Variants in ZNF81 observed in about 807,000 individuals in gnomAD.
ZNF81 encodes zinc finger protein 81 (HFZ20).
Under a neutral mutation model 32.3 loss-of-function variants are expected in ZNF81, and 5 were observed. The observed-to-expected ratio is 0.15, with a 90% CI of 0.08 to 0.33. ZNF81 has a LOEUF of 0.33. Among genes scored for constraint, ZNF81 ranks in the 10% least tolerant of loss-of-function variants. The pLI, the probability that ZNF81 is intolerant of heterozygous loss-of-function variation, is 1.00. For synonymous variants in ZNF81, 163 were observed against 166.8 expected, an observed-to-expected ratio of 0.98 and a Z score of 0.17; for missense variants, 379 against 479.8, an observed-to-expected ratio of 0.79 and a Z score of 1.96.
chrX:47,872,005 C>T (rs187061912), intron 2 of ZNF81, among the ~76,000 whole-genome samples: 83 of 112,231 alleles, frequency 7.4e-4, no homozygotes, highest in African/African-American at 2.6e-3. Context: ...GAGACCATAG[C>T]GAATCTTAGT....
intron 4 of ZNF81, 143 bp downstream of exon 4, chrX:47,896,083 G>A: frequency 2.2e-6 from 1 of 460,734 alleles, no homozygotes; most frequent in South Asian, 3.5e-5. Context: ...TTGGCCTCTC[G>A]GGTGCCAAAT....
intron 2 of ZNF81, among the ~76,000 whole-genome samples, chrX:47,873,448 G>A (rs887419000): frequency 1.1e-4 from 12 of 111,487 alleles, no homozygotes; most frequent in African/African-American, 3.6e-4. Context: ...TTGTTCCTTA[G>A]TGGAGGGTTT....
intron 2 of ZNF81, among the ~76,000 whole-genome samples, chrX:47,886,870 C>T (rs1292198780): frequency 8.1e-5 from 9 of 111,358 alleles, no homozygotes; most frequent in African/African-American, 2.6e-4. Flanking sequence ...TTGGGTTGCT[C>T]CTTAGTATCT....
chrX:47,882,185 C>CAT (rs1438504389), intron 2 of ZNF81, among the ~76,000 whole-genome samples: 4 of 110,106 alleles, frequency 3.6e-5, no homozygotes, highest in South Asian at 3.8e-4. Context: ...TATATATGTA[C>CAT]ATATATATAC....
intron 2 of ZNF81, among the ~76,000 whole-genome samples, chrX:47,883,149 T>TA (rs1306529339): frequency 8.9e-6 from 1 of 112,313 alleles, no homozygotes; most frequent in East Asian, 2.8e-4. Context: ...GCACTTCCCT[T>TA]ACAACTAATG....
intron 4 of ZNF81, among the ~76,000 whole-genome samples, chrX:47,909,561 G>A (rs782520399): frequency 1.8e-5 from 2 of 108,680 alleles, no homozygotes; most frequent in African/African-American, 6.7e-5. Flanking sequence ...TTGTTTTGAC[G>A]TATGTTCCTT....
At chrX:47,895,374 A>G in intron 3 of ZNF81, among the ~76,000 whole-genome samples, 1 of 111,525 alleles carries the variant, frequency 9.0e-6, no homozygotes, top group Non-Finnish European at 1.9e-5. Context: ...GAGGGAAGAC[A>G]ATAAGAAGAT....
intron 2 of ZNF81, among the ~76,000 whole-genome samples, chrX:47,869,497 A>G (rs2058572265): frequency 9.0e-6 from 1 of 111,724 alleles, no homozygotes. Flanking sequence ...AAATAAGCCT[A>G]TTAAGAACAG....
chrX:47,849,227 A>C (rs1021560755), intron 2 of ZNF81, among the ~76,000 whole-genome samples: 1 of 111,838 alleles, frequency 8.9e-6, no homozygotes, highest in African/African-American at 3.3e-5. Flanking sequence ...TGTAACATAC[A>C]TACAGAAAAG....
intron 2 of ZNF81, among the ~76,000 whole-genome samples, chrX:47,851,791 T>C (rs1435953956): frequency 2.7e-5 from 3 of 112,602 alleles, no homozygotes; most frequent in Non-Finnish European, 3.7e-5. Flanking sequence ...CCCTTACATT[T>C]TCTGTTTAAT....
intron 1 of ZNF81, among the ~76,000 whole-genome samples, chrX:47,840,503 CTTT>C (rs1225455438): frequency 9.8e-6 from 1 of 102,121 alleles, no homozygotes. Flanking sequence ...TTTTCTTTTT[CTTT>C]TTTTTTTTTT....
chrX:47,837,552 G>C (rs1011371891), intron 1 of ZNF81, among the ~76,000 whole-genome samples: 1 of 112,003 alleles, frequency 8.9e-6, no homozygotes, highest in South Asian at 3.7e-4. Flanking sequence ...TAAAGTATGA[G>C]ACTTAGGTCG....
chrX:47,880,083 C>G (rs1239220995), intron 2 of ZNF81, among the ~76,000 whole-genome samples: 1 of 112,157 alleles, frequency 8.9e-6, no homozygotes, highest in Non-Finnish European at 1.9e-5. Flanking sequence ...TGGTGTTGAA[C>G]ACACTTGCTA....
At chrX:47,905,272 G>A (rs1208558630) in intron 4 of ZNF81, among the ~76,000 whole-genome samples, 1 of 106,395 alleles carries the variant, frequency 9.4e-6, no homozygotes, top group Non-Finnish European at 1.9e-5. Flanking sequence ...TTAGCTGGAT[G>A]TGGTGGCGGG....
chrX:47,874,181 C>T (rs1226870759), intron 2 of ZNF81, among the ~76,000 whole-genome samples: 1 of 112,231 alleles, frequency 8.9e-6, no homozygotes, highest in Non-Finnish European at 1.9e-5. Flanking sequence ...GGAACACACT[C>T]ATCTTCTAGG....
At chrX:47,859,354 A>G (rs563211893) in intron 2 of ZNF81, among the ~76,000 whole-genome samples, 4 of 111,171 alleles carry the variant, frequency 3.6e-5, no homozygotes, top group Non-Finnish European at 5.7e-5. Context: ...AACAAATTAT[A>G]TACTGATTTT....
In ZNF81 at chrX:47,880,706, C is replaced by G. The variant is rs781803168; in HGVS notation, c.55-7293C>G. Among the ~76,000 whole-genome samples, 7 of 112,236 alleles carry G rather than the reference C, an allele frequency of 6.2e-5. No individual in the cohort carries two copies. The South Asian group carries it at 2.2e-3, about 35-fold the overall frequency. On this transcript the variant is annotated intron_variant, in intron 2 of 4. Transcript: ENST00000338637. Reference sequence around the variant, plus strand: ...TGGCAAACTGTTACTTAAAAGAATTCATGCTATTTCCATGATCAGACTCCA... The same window carrying G: ...TGGCAAACTGTTACTTAAAAGAATTGATGCTATTTCCATGATCAGACTCCA...
At chrX:47,901,695 A>G (rs1290272544) in intron 4 of ZNF81, among the ~76,000 whole-genome samples, 1 of 103,684 alleles carries the variant, frequency 9.6e-6, no homozygotes, top group African/African-American at 3.7e-5. Flanking sequence ...TCTTGATTTG[A>G]TTCGCTAATA....
In ZNF81 at chrX:47,915,337, T is replaced by G; in HGVS notation, c.691T>G (p.Ser231Ala). 1.7e-6 allele frequency: 2 copies of G among 1,211,693 alleles called. No individual in the cohort carries two copies. The highest frequency in any genetic ancestry group is 2.2e-6 in the Non-Finnish European group (2 of 895,459). The change falls in exon 5 of 5, where the codon TCT (serine) becomes GCT (alanine). Residue 231 changes from serine (S) to alanine (A), a missense_variant. Ser to Ala is a moderately conservative substitution (Grantham distance 99). Transcript: ENST00000338637. ...GCATGGTCAAGTTTTTACCCAGAACTCTTCTTATAGTCACCACGAAAATAC... is the reference window on the plus strand; with the variant it reads ...GCATGGTCAAGTTTTTACCCAGAACGCTTCTTATAGTCACCACGAAAATAC... ...IGHGQVFTQNSSYSHHENTHT... is the reference protein window; with the variant it reads ...IGHGQVFTQNASYSHHENTHT...
Sources: gnomAD v4.1 joint callset for allele counts (sites outside exome capture counted in the v4.1 genomes callset) on GRCh38, gnomAD v4.1.1 for gene constraint, MANE v1.5 for transcripts, NCBI Gene and HGNC (gene_info 2026-07-23, HGNC 2026-07-21) for gene names.